The following GABBR1 variants were observed in gnomAD, a reference collection of about 807,000 sequenced individuals.
GABBR1 encodes gamma-aminobutyric acid type B receptor subunit 1, also known as GABA-B receptor, R1 subunit.
GABBR1 carries 35 observed loss-of-function variants against 117.7 expected under a neutral mutation model. The ratio of observed to expected loss-of-function variants is 0.30; its 90% confidence interval spans 0.23 to 0.39. The LOEUF is 0.39. Ranked by LOEUF, GABBR1 falls within the 10% of genes least tolerant of loss-of-function variation. The pLI is 1.00. For synonymous variants in GABBR1, 442 were observed against 486.6 expected (o/e 0.91, Z 1.21); for missense variants, 709 against 1,241.8 (o/e 0.57, Z 6.45).
rs569185668 is a variant in GABBR1 at position 29,630,695 on chromosome 6, C to T, written c.290-52G>A. ...AGAGGCGAGTTGAAGAAGGCTCTTT[C>T]CCTTTAAAGAGCAGGGGACTCAGGT... is the stretch of plus-strand genomic sequence containing the variant. On this transcript the variant is annotated intron_variant, in intron 3 of 22. Transcript: ENST00000377034. The surrounding 1 kb of genome is among the most constrained non-coding windows in gnomAD (Gnocchi z 4.9). 251 of 1,500,094 alleles carry T rather than the reference C, an allele frequency of 1.7e-4. No homozygotes were observed. In the African/African-American group the frequency reaches 2.6e-3, roughly 15 times the overall value. The allele number at this position is 1,500,094 out of a possible 1,614,324, so 92.9% of individuals were successfully genotyped here.
intron 11 of GABBR1, among the ~76,000 whole-genome samples, chr6:29,616,602 T>G (rs1325258170): frequency 6.6e-6 from 1 of 150,754 alleles, no homozygotes; most frequent in Non-Finnish European, 1.5e-5. Flanking sequence ...GGAGAATCAC[T>G]GGAACCCAGG....
In GABBR1 at chr6:29,632,661, G is replaced by A; in HGVS notation, c.-1+189C>T. On this transcript the variant is annotated intron_variant, in intron 1 of 22. Coordinates refer to ENST00000377034, the MANE Select transcript of GABBR1 (RefSeq NM_001470.4). This position sits in a 1 kb window ranked among gnomAD's most constrained non-coding sequence, Gnocchi z 5.8. ...CACCTCCTCTCCCCCGGCCCCCGCG[G>A]CTCGCAGAAGCCTGGCTTACCCACG... is the stretch of plus-strand genomic sequence containing the variant. 1.4e-6 allele frequency: 2 copies of A among 1,446,056 alleles called. No individual in the cohort carries two copies. Among genetic ancestry groups the A allele is most frequent in the Non-Finnish European group, 1.8e-6 (2 of 1,096,736 alleles). 89.6% of individuals were successfully genotyped at this position (1,446,056 alleles called of 1,614,324 possible). A position where few individuals can be genotyped will look rare whatever the true frequency, so the allele number is the denominator to read the frequency against.
At chr6:29,610,885 G>A (rs766558951) in intron 14 of GABBR1, 39 bp downstream of exon 14, 18 of 1,549,616 alleles carry the variant, frequency 1.2e-5, no homozygotes, top group Non-Finnish European at 1.6e-5. Flanking sequence ...CTTGACTGTC[G>A]AGAGGGGCTG....
In GABBR1 at chr6:29,623,324, G is replaced by T. The variant is rs780655825; in HGVS notation, c.944C>A (p.Thr315Asn). 1 of 1,614,034 alleles carries T rather than the reference G, an allele frequency of 6.2e-7. No homozygotes were observed. The highest frequency in any genetic ancestry group is 1.1e-5 in the South Asian group (1 of 91,068). The change falls in exon 8 of 23, where the codon ACC becomes AAC. Residue 315 changes from threonine (T) to asparagine (N), a missense_variant. Coordinates refer to ENST00000377034, the MANE Select transcript of GABBR1 (RefSeq NM_001470.4). The surrounding 1 kb of genome is among the most constrained non-coding windows in gnomAD (Gnocchi z 6.2). Reference sequence around the variant, plus strand: ...CCTCACCGAAGTGAAGACCTCAGTGGTCTGCTGGATGGTAGCAATCTTCTT... The same window carrying T: ...CCTCACCGAAGTGAAGACCTCAGTGTTCTGCTGGATGGTAGCAATCTTCTT... ...GWKKIATIQQ[T>N]TEVFTSTLDD... is the part of the protein sequence containing the mutation.
At chr6:29,617,701 A>G (rs542940335) in intron 11 of GABBR1, among the ~76,000 whole-genome samples, 7 of 152,340 alleles carry the variant, frequency 4.6e-5, no homozygotes, top group African/African-American at 1.7e-4. Context: ...TCTTACTCCC[A>G]AACAGCTCCC....
chr6:29,625,920 TC>T (rs1764222129), intron 6 of GABBR1, among the ~76,000 whole-genome samples: 1 of 152,140 alleles, frequency 6.6e-6, no homozygotes, highest in South Asian at 2.1e-4. Flanking sequence ...TCTTCCTGCC[TC>T]CCGTACCCTA....
In GABBR1 at chr6:29,621,079, C is replaced by A; in HGVS notation, c.1323+22G>T. On this transcript the variant is annotated intron_variant, in intron 11 of 22. Transcript: ENST00000377034. This position sits in a 1 kb window ranked among gnomAD's most constrained non-coding sequence, Gnocchi z 5.0. ...CCTCTCCACCCTCCCAGGTGCCAGA[C>A]TGCAAGTCCCCACACTCTCACCATG... 6.2e-7 allele frequency: 1 copy of A among 1,604,406 alleles called. No homozygotes were observed. The highest frequency in any genetic ancestry group is 8.5e-7 in the Non-Finnish European group (1 of 1,175,718).
chr6:29,628,023 AG>A, intron 5 of GABBR1: 1 of 1,183,014 alleles, frequency 8.5e-7, no homozygotes, highest in Non-Finnish European at 1.0e-6. Context: ...TGACCGACGG[AG>A]GGGAGGAGGA....
chr6:29,628,608 T>A (rs1764620364), intron 5 of GABBR1, among the ~76,000 whole-genome samples: 1 of 141,496 alleles, frequency 7.1e-6, no homozygotes, highest in South Asian at 2.4e-4. Context: ...AGGGAAGGGG[T>A]ACACGGAAGG....
Position 29,611,563 on chromosome 6 carries a change from C to G in GABBR1, c.1631-562G>C, listed in dbSNP as rs1263351496. ...AACTTTTCCTTCAAAAGCCAACTCACACTCCTTTCACCATGGCTGAAGTCC... is the reference window on the plus strand; with the variant it reads ...AACTTTTCCTTCAAAAGCCAACTCAGACTCCTTTCACCATGGCTGAAGTCC... On this transcript the variant is annotated intron_variant, in intron 13 of 22. Transcript: ENST00000377034. The surrounding 1 kb of genome is among the most constrained non-coding windows in gnomAD (Gnocchi z 4.6). Among the ~76,000 whole-genome samples, 1 of 152,186 alleles carries G rather than the reference C, an allele frequency of 6.6e-6. No homozygotes were observed. The highest frequency in any genetic ancestry group is 1.5e-5 in the Non-Finnish European group (1 of 68,036).
chr6:29,615,199 A>C (rs760682643), intron 11 of GABBR1, among the ~76,000 whole-genome samples: 1 of 151,574 alleles, frequency 6.6e-6, no homozygotes, highest in Admixed American at 6.6e-5. Context: ...GGCTGAGGTG[A>C]GAAAATCACT....
At chr6:29,615,291 CAAA>C (rs28751301) in intron 11 of GABBR1, among the ~76,000 whole-genome samples, 7 of 86,718 alleles carry the variant, frequency 8.1e-5, no homozygotes, top group Admixed American at 1.3e-4. Context: ...GACTCCGTCT[CAAA>C]AAAAAAAAAA....
Position 29,630,592 on chromosome 6 carries a change from A to G in GABBR1, c.341T>C (p.Leu114Pro). The G allele has an allele frequency of 6.2e-7, 1 of 1,613,072 alleles. No homozygotes were observed. Among genetic ancestry groups the G allele is most frequent in the Non-Finnish European group, 8.5e-7 (1 of 1,179,980 alleles). The change falls in exon 4 of 23, where the codon CTG becomes CCG. Residue 114 changes from leucine (L) to proline (P), a missense_variant. Around this residue, in one of 9 missense-constraint regions of GABBR1, gnomAD observed 101 missense variants for 132.3 expected, o/e 0.76. Transcript: ENST00000377034. This position sits in a 1 kb window ranked among gnomAD's most constrained non-coding sequence, Gnocchi z 4.9. ...YLTLENGKVF[L>P]TGGDLPALDG... ...CAGAGCTGGGAGGTCCCCACCCGTCAGGAAAACCTTCCCATTTTCCAGGGT... is the reference window on the plus strand; with the variant it reads ...CAGAGCTGGGAGGTCCCCACCCGTCGGGAAAACCTTCCCATTTTCCAGGGT...
chr6:29,610,781 C>A, intron 14 of GABBR1, 143 bp downstream of exon 14: 1 of 653,446 alleles, frequency 1.5e-6, no homozygotes, highest in Non-Finnish European at 2.7e-6. Flanking sequence ...TGTATTCACT[C>A]TCACTTAACC....
Sources: allele counts gnomAD v4.1 joint callset (sites outside exome capture counted in the v4.1 genomes callset), GRCh38; gene constraint gnomAD v4.1.1; regional missense constraint gnomAD v4.1.1; non-coding constraint Gnocchi (gnomAD v3.1); transcripts MANE v1.5; gene names NCBI Gene and HGNC (gene_info 2026-07-23, HGNC 2026-07-21).